The following ZNF814 variants were observed in gnomAD, a reference collection of about 807,000 sequenced individuals.
ZNF814 encodes the protein zinc finger protein 814.
Under a neutral mutation model 7.5 loss-of-function variants are expected in ZNF814, and 5 were observed. The ratio of observed to expected loss-of-function variants is 0.67; its 90% CI spans 0.35 to 1.40. ZNF814 has a LOEUF of 1.40. ZNF814 is among the 40% of genes most tolerant of loss of function. The probability of loss-of-function intolerance (pLI) is 0.04; values close to 1 mark genes in which losing one functional copy is unlikely to be tolerated. For missense variants in ZNF814, 962 were observed against 1,018.0 expected, an observed-to-expected ratio of 0.94 and a Z score of 0.75; for synonymous variants, 315 against 340.7, an observed-to-expected ratio of 0.92 and a Z score of 0.83.
the ZNF814 span, chr19:57,901,618 A>T: frequency 2.5e-6 from 1 of 398,694 alleles, no homozygotes. Flanking sequence ...GGCATGAATG[A>T]AAATCTCAGA....
At chr19:57,877,087 G>A in intron 1 of ZNF814, 45 bp from the exon 2 acceptor site, 1 of 1,607,052 alleles carries the variant, frequency 6.2e-7, no homozygotes, top group South Asian at 1.1e-5. Context: ...CCCCTATGCT[G>A]AGGTATCACA....
chr19:57,904,744 T>G, the ZNF814 span, among the ~76,000 whole-genome samples: 5 of 152,064 alleles, frequency 3.3e-5, no homozygotes, highest in Non-Finnish European at 7.4e-5. Context: ...TTTGTAGACT[T>G]AATACCCAAT....
chr19:57,884,482 G>A (rs148000617), intron 1 of ZNF814, among the ~76,000 whole-genome samples: 1,700 of 152,254 alleles, frequency 0.011, 30 homozygotes, highest in African/African-American at 0.038. Flanking sequence ...AGGCAAGGTG[G>A]CACATGCCTG....
At chr19:57,900,286 A>C in the ZNF814 span, 1 of 152,220 alleles carries the variant, frequency 6.6e-6, no homozygotes, top group Non-Finnish European at 1.5e-5. Context: ...AATCACACAA[A>C]ATATTGATGA....
the ZNF814 span, among the ~76,000 whole-genome samples, chr19:57,898,262 T>G: frequency 6.6e-6 from 1 of 152,122 alleles, no homozygotes; most frequent in African/African-American, 2.4e-5. Flanking sequence ...TCCTGTCAAT[T>G]TATGGGGAAG....
At chr19:57,896,463 T>C in the ZNF814 span, among the ~76,000 whole-genome samples, 10 of 152,338 alleles carry the variant, frequency 6.6e-5, no homozygotes, top group South Asian at 2.1e-3. The surrounding 1 kb of genome is among the most constrained non-coding windows in gnomAD (Gnocchi z 4.2). Flanking sequence ...AATGGCCACC[T>C]CCTTTCCCTC....
chr19:57,901,126 G>A, the ZNF814 span, among the ~76,000 whole-genome samples: 47 of 150,936 alleles, frequency 3.1e-4, no homozygotes, highest in African/African-American at 8.3e-4. Flanking sequence ...GTGAGCCACC[G>A]CGCCCAGCAG....
chr19:57,888,469 A>G (rs1394984966), intron 1 of ZNF814, among the ~76,000 whole-genome samples: 7 of 152,120 alleles, frequency 4.6e-5, no homozygotes, highest in Non-Finnish European at 1.0e-4. Flanking sequence ...CATAGCCCCC[A>G]GCCTGCTTGC....
the ZNF814 span, among the ~76,000 whole-genome samples, chr19:57,897,709 G>A: frequency 6.6e-6 from 1 of 152,156 alleles, no homozygotes; most frequent in Non-Finnish European, 1.5e-5. Context: ...CACCAAAGAA[G>A]GTCCCCATGG....
chr19:57,873,499 G>A lies in ZNF814; in HGVS notation c.1891C>T (p.Pro631Ser). ...TTCCCACAGTCTCCACACTTGTAAG[G>A]TCTTTCTCCAGTGTGCATGCGCTGA... ...HHQRMHTGER[P>S]YKCGDCGKSF... is the part of the protein sequence containing the mutation. The change falls in exon 3 of 3, where the codon CCT becomes TCT. Residue 631 changes from proline (P) to serine (S), a missense_variant. Pro to Ser is a moderately conservative substitution (Grantham distance 74, BLOSUM62 -1). Around this residue, in one of 7 missense-constraint regions of ZNF814, gnomAD observed 665 missense variants for 551.4 expected, o/e 1.21. Coordinates refer to ENST00000435989, the MANE Select transcript of ZNF814 (RefSeq NM_001144989.2). The A allele has an allele frequency of 6.2e-7, 1 of 1,614,078 alleles. No individual in the cohort carries two copies. The highest frequency in any genetic ancestry group is 8.5e-7 in the Non-Finnish European group (1 of 1,180,014).
At position 57,875,424 on chromosome 19, in the gene ZNF814, T is replaced by A. The variant is rs559144633; in HGVS notation, c.164-198A>T. 1.4e-4 allele frequency among the ~76,000 whole-genome samples: 22 copies of A among 152,254 alleles called. No homozygotes were observed. In the East Asian group the frequency reaches 3.1e-3, roughly 21 times the overall value. On this transcript the variant is annotated intron_variant, in intron 2 of 2. Coordinates refer to ENST00000435989, the MANE Select transcript of ZNF814 (RefSeq NM_001144989.2). ...CACAGAATGTAGGAGGCCTCATAAGTTAAAGGACACAACCATGTATGTAAA... is the reference window on the plus strand; with the variant it reads ...CACAGAATGTAGGAGGCCTCATAAGATAAAGGACACAACCATGTATGTAAA...
At chr19:57,899,865 A>C in the ZNF814 span, among the ~76,000 whole-genome samples, 4 of 152,226 alleles carry the variant, frequency 2.6e-5, no homozygotes. Context: ...TAGGACAAGC[A>C]AGGCTGCACA....
chr19:57,874,902 A>C lies in ZNF814; in HGVS notation c.488T>G (p.Leu163Trp). 6.2e-7 allele frequency: 1 copy of C among 1,613,806 alleles called. No individual in the cohort carries two copies. Among genetic ancestry groups the C allele is most frequent in the South Asian group, 1.1e-5 (1 of 91,074 alleles). Reference sequence around the variant, plus strand: ...GACAGATGACTCCCCTGACACATGCAACTTACACCTCTTTGCAAACAACGC... The same window carrying C: ...GACAGATGACTCCCCTGACACATGCCACTTACACCTCTTTGCAAACAACGC... ...EEALFAKRCKLHVSGESSVFS... is the reference protein window; with the variant it reads ...EEALFAKRCKWHVSGESSVFS... Residue 163 changes from leucine (L) to tryptophan (W), a missense_variant, in exon 3 of 3, where the codon TTG becomes TGG. This residue lies in a region of ZNF814 where 126 missense variants were observed against 123.5 expected (regional missense o/e 1.02). Transcript: ENST00000435989.
chr19:57,891,328 A>G (rs576286776), upstream of ZNF814, among the ~76,000 whole-genome samples: 2 of 152,184 alleles, frequency 1.3e-5, no homozygotes, highest in East Asian at 3.9e-4. Flanking sequence ...GATCGAGACC[A>G]TCCTGGCTAA....
chr19:57,901,559 C>A, the ZNF814 span: 1 of 398,322 alleles, frequency 2.5e-6, no homozygotes, highest in African/African-American at 2.1e-5. Flanking sequence ...ATGAGCCACA[C>A]CAGGAAGAGA....
intron 1 of ZNF814, among the ~76,000 whole-genome samples, chr19:57,877,849 G>A (rs1303683032): frequency 2.6e-5 from 4 of 152,038 alleles, no homozygotes; most frequent in African/African-American, 4.8e-5. Context: ...TTCTACACAT[G>A]TCATCAAGAG....
Position 57,872,801 on chromosome 19 carries a change from A to C in ZNF814, c.*21T>G, listed in dbSNP as rs1568516342. 1 of 1,605,420 alleles carries C rather than the reference A, an allele frequency of 6.2e-7. No homozygotes were observed. The highest frequency in any genetic ancestry group is 1.1e-5 in the South Asian group (1 of 90,254). ...AATGAGGTGGTCCTTCTTGCTAAAA[A>C]CTTTCTGACAATCCTCACACTCATA... On this transcript the variant is annotated 3_prime_UTR_variant, in exon 3 of 3. Transcript: ENST00000435989.
chr19:57,886,276 C>G (rs529005674), intron 1 of ZNF814, among the ~76,000 whole-genome samples: 2 of 152,106 alleles, frequency 1.3e-5, no homozygotes, highest in East Asian at 3.9e-4. Flanking sequence ...CCAGGTACCC[C>G]TCCTTGGCCC....
the ZNF814 span, among the ~76,000 whole-genome samples, chr19:57,897,633 G>A: frequency 2.7e-4 from 41 of 152,250 alleles, 1 homozygote; most frequent in East Asian, 9.7e-4. Flanking sequence ...ATTGTCCCCC[G>A]CCACAGCAGG....
Sources: gnomAD v4.1 joint callset for allele counts (sites outside exome capture counted in the v4.1 genomes callset) on GRCh38, gnomAD v4.1.1 for gene constraint, gnomAD v4.1.1 regional missense constraint, Gnocchi (gnomAD v3.1) non-coding constraint, MANE v1.5 for transcripts, NCBI Gene and HGNC (gene_info 2026-07-23, HGNC 2026-07-21) for gene names.